GLG1: variants seen among roughly 807,000 people sequenced by gnomAD.
The protein encoded by GLG1 is Golgi apparatus protein 1.
In GLG1, 38 loss-of-function variants were observed where a neutral mutation model predicts 160.5. The observed-to-expected ratio is 0.24, with a 90% CI of 0.18 to 0.31. GLG1 has a LOEUF of 0.31. Ranked by LOEUF, GLG1 falls within the 10% of genes least tolerant of loss-of-function variation. GLG1 has a pLI of 1.00. For missense variants in GLG1, 1,373 were observed against 1,505.2 expected, an observed-to-expected ratio of 0.91 and a Z score of 1.45; for synonymous variants, 644 against 543.4, an observed-to-expected ratio of 1.19 and a Z score of -2.57.
Position 74,508,943 on chromosome 16 carries a change from A to G in GLG1, c.472-18T>C, listed in dbSNP as rs773716745. On this transcript the variant is annotated intron_variant, in intron 2 of 25. Transcript: ENST00000422840. The stretch of plus-strand genomic sequence containing the variant: ...CACAACAACTAGATAGGAGAGGAAA[A>G]AAAAAAACAAAGAAAAACTCCAGTT... 6 of 1,030,118 alleles carry G rather than the reference A, an allele frequency of 5.8e-6. No homozygotes were observed. Among genetic ancestry groups the G allele is most frequent in the Non-Finnish European group, 9.0e-6 (6 of 668,256 alleles). The allele number at this position is 1,030,118 out of a possible 1,614,324, so 63.8% of individuals were successfully genotyped here.
intron 1 of GLG1, among the ~76,000 whole-genome samples, chr16:74,568,169 C>T (rs1456766655): frequency 6.6e-6 from 1 of 152,202 alleles, no homozygotes; most frequent in Non-Finnish European, 1.5e-5. Context: ...AGCCCAGAAG[C>T]AGATGGTAAG....
intron 2 of GLG1, among the ~76,000 whole-genome samples, chr16:74,530,166 A>T (rs1437277981): frequency 6.6e-6 from 1 of 152,074 alleles, no homozygotes; most frequent in Non-Finnish European, 1.5e-5. Context: ...TGTCAGATTC[A>T]GTCTATTGAT....
chr16:74,459,303 C>G (rs777813646), intron 23 of GLG1, among the ~76,000 whole-genome samples: 28 of 152,088 alleles, frequency 1.8e-4, no homozygotes, highest in Non-Finnish European at 3.1e-4. Flanking sequence ...ACAGTGAACC[C>G]CCGTCTCTAC....
At chr16:74,567,711 GGCGCCCGCCACC>G (rs1276347050) in intron 1 of GLG1, among the ~76,000 whole-genome samples, 23 of 151,548 alleles carry the variant, frequency 1.5e-4, no homozygotes, top group Middle Eastern at 3.4e-3. Context: ...TGGGACTACA[GGCGCCCGCCACC>G]GCGCCCGGCT....
intron 1 of GLG1, among the ~76,000 whole-genome samples, chr16:74,542,832 T>C (rs1250278121): frequency 1.4e-5 from 2 of 138,418 alleles, no homozygotes; most frequent in Admixed American, 1.5e-4. Flanking sequence ...AGAAAAAATT[T>C]CCAGACATCT....
At chr16:74,485,240 T>C (rs2015749505) in intron 9 of GLG1, among the ~76,000 whole-genome samples, 1 of 152,208 alleles carries the variant, frequency 6.6e-6, no homozygotes, top group Non-Finnish European at 1.5e-5. Flanking sequence ...TCATAAAAAA[T>C]AAAACTAAAG....
At position 74,451,967 on chromosome 16, in the gene GLG1, A is replaced by G; in HGVS notation, c.*1200T>C. The G allele has an allele frequency of 2.1e-6, 2 of 953,972 alleles. No individual in the cohort carries two copies. The highest frequency in any genetic ancestry group is 3.4e-6 in the Non-Finnish European group (2 of 586,144). 59.1% of individuals were successfully genotyped at this position (953,972 alleles called of 1,614,324 possible). Reference sequence around the variant, plus strand: ...AGAAAAAAAACAGAGCAAATCCTCCATCTTTTAATGTGATAACTTTCCACA... The same window carrying G: ...AGAAAAAAAACAGAGCAAATCCTCCGTCTTTTAATGTGATAACTTTCCACA... On this transcript the variant is annotated 3_prime_UTR_variant, in exon 26 of 26. Coordinates refer to ENST00000422840, the MANE Select transcript of GLG1 (RefSeq NM_001145667.2).
intron 8 of GLG1, among the ~76,000 whole-genome samples, chr16:74,488,064 T>A (rs560112319): frequency 2.4e-4 from 37 of 152,218 alleles, no homozygotes; most frequent in African/African-American, 8.9e-4. Flanking sequence ...ATTTCACAGT[T>A]CATGATTATG....
intron 1 of GLG1, among the ~76,000 whole-genome samples, chr16:74,542,302 C>T (rs1485660695): frequency 6.6e-6 from 1 of 150,694 alleles, no homozygotes; most frequent in Non-Finnish European, 1.5e-5. Context: ...TGCCCTGTCA[C>T]ATGATTTGGA....
chr16:74,487,116 G>A (rs939699526), intron 8 of GLG1, among the ~76,000 whole-genome samples: 8 of 152,118 alleles, frequency 5.3e-5, no homozygotes, highest in Non-Finnish European at 7.3e-5. Flanking sequence ...GTTTCGCCAC[G>A]TTGGCCAGGC....
chr16:74,452,378 G>T lies in GLG1; in HGVS notation c.*789C>A. The T allele has an allele frequency of 7.7e-7, 1 of 1,296,702 alleles. No homozygotes were observed. The highest frequency in any genetic ancestry group is 9.8e-7 in the Non-Finnish European group (1 of 1,015,306). 80.3% of individuals were successfully genotyped at this position (1,296,702 alleles called of 1,614,324 possible). A position where few individuals can be genotyped will look rare whatever the true frequency, so the allele number is the denominator to read the frequency against. ...AGGATCCAGCCTCTCAGTGCAGATGGATGGACTGTTCAACTTCACAAACTT... is the reference window on the plus strand; with the variant it reads ...AGGATCCAGCCTCTCAGTGCAGATGTATGGACTGTTCAACTTCACAAACTT... On this transcript the variant is annotated 3_prime_UTR_variant, in exon 26 of 26. Transcript: ENST00000422840.
intron 10 of GLG1, among the ~76,000 whole-genome samples, chr16:74,481,383 G>C (rs1020188662): frequency 6.6e-6 from 1 of 152,124 alleles, no homozygotes; most frequent in African/African-American, 2.4e-5. Flanking sequence ...AACTTTGGTA[G>C]ATGGCTAGTT....
intron 22 of GLG1, among the ~76,000 whole-genome samples, chr16:74,461,327 C>T (rs1363323707): frequency 1.2e-4 from 18 of 151,284 alleles, no homozygotes; most frequent in Non-Finnish European, 2.5e-4. Context: ...GCCACCGGGC[C>T]GGGCTAATGT....
At chr16:74,553,708 C>T (rs1414974969) in intron 1 of GLG1, among the ~76,000 whole-genome samples, 10 of 152,064 alleles carry the variant, frequency 6.6e-5, no homozygotes, top group Middle Eastern at 3.2e-3. Context: ...CTCCTGACCT[C>T]GTGATCCACC....
chr16:74,605,979 T>C (rs905834191), intron 1 of GLG1, among the ~76,000 whole-genome samples: 2 of 152,146 alleles, frequency 1.3e-5, no homozygotes, highest in Non-Finnish European at 2.9e-5. Context: ...CAAATGTAGA[T>C]TTCATTAAGA....
At chr16:74,550,838 T>C (rs1340121160) in intron 1 of GLG1, among the ~76,000 whole-genome samples, 1 of 152,186 alleles carries the variant, frequency 6.6e-6, no homozygotes, top group African/African-American at 2.4e-5. Context: ...ATTTTGATAA[T>C]GCTGAACAAG....
Position 74,453,163 on chromosome 16 carries a change from G to A in GLG1, c.*4C>T. ...AGGTAGTTCCTTTGGTGGTCAAGGT[G>A]GCTCTACCTGTCCTTGAGCTCTCGT... On this transcript the variant is annotated 3_prime_UTR_variant, in exon 26 of 26. Coordinates refer to ENST00000422840, the MANE Select transcript of GLG1 (RefSeq NM_001145667.2). The A allele has an allele frequency of 1.2e-6, 2 of 1,613,532 alleles. No homozygotes were observed. The highest frequency in any genetic ancestry group is 1.7e-6 in the Non-Finnish European group (2 of 1,179,668).
At chr16:74,498,340 G>A (rs1314786078) in intron 4 of GLG1, among the ~76,000 whole-genome samples, 2 of 147,282 alleles carry the variant, frequency 1.4e-5, no homozygotes, top group East Asian at 2.0e-4. Context: ...GCTGAGGAAG[G>A]AGAATCGCTT....
intron 25 of GLG1, among the ~76,000 whole-genome samples, chr16:74,454,327 T>C (rs1482311525): frequency 6.6e-6 from 1 of 151,868 alleles, no homozygotes; most frequent in Non-Finnish European, 1.5e-5. Flanking sequence ...TACCTCAGCC[T>C]CCTGAGTAGC....
Sources: gnomAD v4.1 joint callset for allele counts (sites outside exome capture counted in the v4.1 genomes callset) on GRCh38, gnomAD v4.1.1 for gene constraint, MANE v1.5 for transcripts, NCBI Gene and HGNC (gene_info 2026-07-23, HGNC 2026-07-21) for gene names.